The following SEPTIN8 variants were observed in gnomAD, a reference collection of about 807,000 sequenced individuals.
SEPTIN8 encodes the protein septin-8.
Under a neutral mutation model 53.1 loss-of-function variants are expected in SEPTIN8, and 22 were observed. The observed-to-expected ratio is 0.41, with a 90% CI of 0.30 to 0.59. The LOEUF is 0.59. Among genes scored for constraint, SEPTIN8 ranks in the 20% least tolerant of loss-of-function variants. SEPTIN8 has a pLI of 0.24. For synonymous variants in SEPTIN8, 228 were observed against 248.4 expected (o/e 0.92, Z 0.77); for missense variants, 536 against 638.7 (o/e 0.84, Z 1.73).
chr5:132,764,845 C>G (rs536981565), intron 2 of SEPTIN8, among the ~76,000 whole-genome samples: 1 of 152,122 alleles, frequency 6.6e-6, no homozygotes, highest in African/African-American at 2.4e-5. Flanking sequence ...TCAACCCATG[C>G]GCCCCGGACA....
At chr5:132,756,031 AAAAT>A (rs1193315329) in intron 9 of SEPTIN8, 10 of 985,272 alleles carry the variant, frequency 1.0e-5, no homozygotes, top group Non-Finnish European at 1.2e-5. Flanking sequence ...TTTAATGAAA[AAAAT>A]AAGTACAAAG....
intron 1 of SEPTIN8, among the ~76,000 whole-genome samples, 154 bp from the exon 2 acceptor site, chr5:132,765,683 C>T (rs111626171): frequency 3.5e-4 from 54 of 152,368 alleles, no homozygotes; most frequent in African/African-American, 1.3e-3. Context: ...TACACCCGAG[C>T]ACCAACTCCA....
At position 132,751,267 on chromosome 5, in the gene SEPTIN8, T is replaced by A; in HGVS notation, c.*749A>T. On this transcript the variant is annotated 3_prime_UTR_variant, in exon 10 of 10. Transcript: ENST00000378719. ...TATTATGGTGAGTTTCTCTTTTAAATACACACTGCAAAAATATTTAACTTT... is the reference window on the plus strand; with the variant it reads ...TATTATGGTGAGTTTCTCTTTTAAAAACACACTGCAAAAATATTTAACTTT... 1 of 368,128 alleles carries A rather than the reference T, an allele frequency of 2.7e-6. No homozygotes were observed. Among genetic ancestry groups the A allele is most frequent in the Middle Eastern group, 7.1e-4 (1 of 1,402 alleles). 22.8% of individuals were successfully genotyped at this position (368,128 alleles called of 1,614,324 possible).
intron 3 of SEPTIN8, 137 bp from the exon 4 acceptor site, chr5:132,764,029 G>A (rs1756300578): frequency 9.8e-7 from 1 of 1,019,664 alleles, no homozygotes; most frequent in Non-Finnish European, 1.4e-6. Context: ...TGAGATCCCT[G>A]ACTGGATACA....
chr5:132,758,521 A>C, intron 9 of SEPTIN8: 1 of 1,613,578 alleles, frequency 6.2e-7, no homozygotes, highest in Non-Finnish European at 8.5e-7. Context: ...CCGTCAGGGA[A>C]TAGTGACACT....
Position 132,751,811 on chromosome 5 carries a change from G to T in SEPTIN8, c.*205C>A. On this transcript the variant is annotated 3_prime_UTR_variant, in exon 10 of 10. Transcript: ENST00000378719. Reference sequence around the variant, plus strand: ...AGCTTGGCCACAGGATGGGCATTAAGCCTCAAGCCCCTTACGGAGCCATGG... The same window carrying T: ...AGCTTGGCCACAGGATGGGCATTAATCCTCAAGCCCCTTACGGAGCCATGG... 1.1e-6 allele frequency: 1 copy of T among 885,858 alleles called. No homozygotes were observed. Among genetic ancestry groups the T allele is most frequent in the Non-Finnish European group, 1.7e-6 (1 of 594,212 alleles). 54.9% of individuals were successfully genotyped at this position (885,858 alleles called of 1,614,324 possible).
chr5:132,758,457 C>T, intron 9 of SEPTIN8: 1 of 1,600,934 alleles, frequency 6.2e-7, no homozygotes, highest in Admixed American at 1.7e-5. Context: ...CCACGCTGAA[C>T]AATTAGGCCT....
At chr5:132,777,244 C>A (rs1346175613), upstream of SEPTIN8, 1 of 1,142,766 alleles carries the variant, frequency 8.8e-7, no homozygotes, top group Non-Finnish European at 1.1e-6. The surrounding 1 kb of genome is among the most constrained non-coding windows in gnomAD (Gnocchi z 4.1). Context: ...CTGAATGGAT[C>A]CAATATGGCC....
In SEPTIN8 at chr5:132,756,071, A is replaced by T. The variant is rs112387670; in HGVS notation, c.1287-3890T>A. Reference sequence around the variant, plus strand: ...TGAATGGAAAAGAACAAAAACAGTCAATGAATGCAGGAGTAAATGAATTAA... The same window carrying T: ...TGAATGGAAAAGAACAAAAACAGTCTATGAATGCAGGAGTAAATGAATTAA... On this transcript the variant is annotated intron_variant, in intron 9 of 9. Transcript: ENST00000378719. 4,350 of 985,410 alleles carry T rather than the reference A, an allele frequency of 4.4e-3. 32 individuals carry two copies. Among genetic ancestry groups the T allele is most frequent in the South Asian group, 0.04 (847 of 21,284 alleles). 61.0% of individuals were successfully genotyped at this position (985,410 alleles called of 1,614,324 possible).
chr5:132,757,638 TA>T, intron 9 of SEPTIN8: 2 of 985,388 alleles, frequency 2.0e-6, no homozygotes, highest in Non-Finnish European at 2.4e-6. Flanking sequence ...GCTTCAACAT[TA>T]AAACTACCCT....
Position 132,761,833 on chromosome 5 carries a change from G to T in SEPTIN8, c.760C>A (p.Arg254=), listed in dbSNP as rs1756000795. 1 of 1,608,726 alleles carries T rather than the reference G, an allele frequency of 6.2e-7. No homozygotes were observed. Among genetic ancestry groups the T allele is most frequent in the Non-Finnish European group, 8.5e-7 (1 of 1,177,650 alleles). ...ACTCCCCAGGGGTACTGCCGTGCTC[G>T]GACCAGCTTGTTCCCCACCTTCACC... ...EEVKVGNKLV[R]ARQYPWGVVQ... The change falls in exon 6 of 10, where the codon CGA becomes AGA. Residue 254 remains arginine (R), a synonymous_variant. Coordinates refer to ENST00000378719, the MANE Select transcript of SEPTIN8 (RefSeq NM_001098811.2). This position sits in a 1 kb window ranked among gnomAD's most constrained non-coding sequence, Gnocchi z 5.8.
intron 9 of SEPTIN8, chr5:132,754,264 C>T: frequency 1.6e-6 from 1 of 628,232 alleles, no homozygotes; most frequent in South Asian, 1.9e-5. Context: ...GAACTCTCCT[C>T]TAGTCCAGAA....
intron 1 of SEPTIN8, chr5:132,774,329 G>C: frequency 6.2e-6 from 1 of 160,190 alleles, no homozygotes. Flanking sequence ...AGCCCTAAAG[G>C]GTTGCTCACC....
Position 132,761,245 on chromosome 5 carries a change from G to GCC in SEPTIN8, c.981_982dup (p.Ala328GlyfsTer8). 1 of 1,613,926 alleles carries GCC rather than the reference G, an allele frequency of 6.2e-7. No individual in the cohort carries two copies. Among genetic ancestry groups the GCC allele is most frequent in the Non-Finnish European group, 8.5e-7 (1 of 1,180,024 alleles). ...CTCACTTAGGAACTCCTTCCTCTTG[G>GCC]CCTCGTATGTCTCTTGTAGGCTGTG... On this transcript the variant is annotated frameshift_variant, in exon 8 of 10. Transcript: ENST00000378719. LOFTEE classifies it high-confidence loss of function. This position sits in a 1 kb window ranked among gnomAD's most constrained non-coding sequence, Gnocchi z 5.8.
Position 132,751,786 on chromosome 5 carries a change from A to G in SEPTIN8, c.*230T>C. On this transcript the variant is annotated 3_prime_UTR_variant, in exon 10 of 10. Coordinates refer to ENST00000378719, the MANE Select transcript of SEPTIN8 (RefSeq NM_001098811.2). The stretch of plus-strand genomic sequence containing the variant: ...TTTTTTGGTCCCGGAGTGGAAGCTC[A>G]GCTTGGCCACAGGATGGGCATTAAG... 2.8e-6 allele frequency: 2 copies of G among 707,650 alleles called. No individual in the cohort carries two copies. Among genetic ancestry groups the G allele is most frequent in the Non-Finnish European group, 4.5e-6 (2 of 441,792 alleles). 43.8% of individuals were successfully genotyped at this position (707,650 alleles called of 1,614,324 possible). A position where few individuals can be genotyped will look rare whatever the true frequency, so the allele number is the denominator to read the frequency against.
chr5:132,770,024 C>CATATATATATATATAT (rs1757068039), intron 1 of SEPTIN8, among the ~76,000 whole-genome samples: 3 of 29,640 alleles, frequency 1.0e-4, no homozygotes, highest in Admixed American at 4.3e-4. Flanking sequence ...TATATATATA[C>CATATATATATATATAT]ACACACATAT....
chr5:132,760,511 G>A lies in SEPTIN8; in HGVS notation c.1286+291C>T, dbSNP rs973715884. ...TTGGAGGAAGAGGAAGAAGGGGGAA[G>A]AGAAGGAGAGAAAAAGGGAGAAGGG... is the stretch of plus-strand genomic sequence containing the variant. On this transcript the variant is annotated intron_variant, in intron 9 of 9. Transcript: ENST00000378719. The surrounding 1 kb of genome is among the most constrained non-coding windows in gnomAD (Gnocchi z 5.2). 2.6e-4 allele frequency among the ~76,000 whole-genome samples: 39 copies of A among 152,194 alleles called. No homozygotes were observed. Among genetic ancestry groups the A allele is most frequent in the African/African-American group, 9.2e-4 (38 of 41,448 alleles).
At position 132,751,588 on chromosome 5, in the gene SEPTIN8, G is replaced by A. The variant is rs1035083050; in HGVS notation, c.*428C>T. 4.3e-5 allele frequency: 12 copies of A among 281,182 alleles called. No individual in the cohort carries two copies. The highest frequency in any genetic ancestry group is 8.0e-5 in the Non-Finnish European group (12 of 150,444). The allele number at this position is 281,182 out of a possible 1,614,324, so 17.4% of individuals were successfully genotyped here. A position where few individuals can be genotyped will look rare whatever the true frequency, so the allele number is the denominator to read the frequency against. On this transcript the variant is annotated 3_prime_UTR_variant, in exon 10 of 10. Coordinates refer to ENST00000378719, the MANE Select transcript of SEPTIN8 (RefSeq NM_001098811.2). ...AAATTACTAAAGACTGTTTCATTAC[G>A]AAAACTGGCCACCGTTGCCAAGTTG...
chr5:132,769,142 G>A (rs576281450), intron 1 of SEPTIN8, among the ~76,000 whole-genome samples: 1 of 152,252 alleles, frequency 6.6e-6, no homozygotes, highest in East Asian at 1.9e-4. Context: ...TTTACACCCA[G>A]GCTCTCACTT....
Sources: allele counts gnomAD v4.1 joint callset (sites outside exome capture counted in the v4.1 genomes callset), GRCh38; gene constraint gnomAD v4.1.1; non-coding constraint Gnocchi (gnomAD v3.1); transcripts MANE v1.5; gene names NCBI Gene and HGNC (gene_info 2026-07-23, HGNC 2026-07-21).